The following PKD1 variants were observed in gnomAD, a reference collection of about 807,000 sequenced individuals.
PKD1 encodes polycystin 1, transient receptor potential channel interacting, also known as polycystin-1.
Under a neutral mutation model 361.7 loss-of-function variants are expected in PKD1, and 81 were observed. The ratio of observed to expected loss-of-function variants is 0.22; its 90% CI spans 0.19 to 0.27. PKD1 has a LOEUF of 0.27. PKD1 is among the 10% of genes least tolerant of loss of function. PKD1 has a pLI of 1.00. For synonymous variants in PKD1, 3,615 were observed against 2,818.3 expected, an observed-to-expected ratio of 1.28 and a Z score of -8.95; for missense variants, 6,399 against 6,118.3, an observed-to-expected ratio of 1.05 and a Z score of -1.53.
Position 2,115,580 on chromosome 16 carries a change from T to C in PKD1, c.1895A>G (p.Asn632Ser). Residue 632 changes from asparagine (N) to serine (S), a missense_variant, in exon 10 of 46, where the codon AAC (asparagine) becomes AGC (serine). Asn to Ser is a conservative substitution (Grantham distance 46). Coordinates refer to ENST00000262304, the MANE Select transcript of PKD1 (RefSeq NM_001009944.3). The part of the protein sequence containing the change: ...GSEPESRSPD[N>S]RTQLAPACMP... The stretch of plus-strand genomic sequence containing the variant: ...GCACGCGGGGGCCAGCTGGGTCCTG[T>C]TGTCCGGGGACCTGCTCTCAGGCTC... The C allele has an allele frequency of 1.0e-5, 16 of 1,594,444 alleles. No homozygotes were observed. Among genetic ancestry groups the C allele is most frequent in the Non-Finnish European group, 1.4e-5 (16 of 1,169,824 alleles).
intron 30 of PKD1, among the ~76,000 whole-genome samples, chr16:2,098,593 T>C (rs903279367): frequency 7.6e-5 from 11 of 145,510 alleles, no homozygotes; most frequent in Non-Finnish European, 1.6e-4. Flanking sequence ...CAACCCCTCC[T>C]GGTCGCGGCT....
rs762330499 is a variant in PKD1 at position 2,110,129 on chromosome 16, C to T, written c.5038G>A (p.Gly1680Ser). 1.2e-5 allele frequency: 19 copies of T among 1,609,096 alleles called. No homozygotes were observed. The highest frequency in any genetic ancestry group is 2.2e-4 in the Middle Eastern group (1 of 4,568). Residue 1680 changes from glycine to serine, a missense_variant, in exon 15 of 46, where the codon GGC becomes AGC. Gly to Ser is a moderately conservative substitution (Grantham distance 56). Transcript: ENST00000262304. Reference protein sequence around the residue: ...RDRGPALAGSGKGFSLTVLEA... With the variant: ...RDRGPALAGSSKGFSLTVLEA... ...AGCACGGTGAGCGAGAAGCCTTTGC[C>T]GCTGCCGGCCAGGGCCGGGCCCCTG...
Position 2,088,783 on chromosome 16 carries a change from G to C in PKD1, c.*944C>G. On this transcript the variant is annotated 3_prime_UTR_variant, in exon 46 of 46. Coordinates refer to ENST00000262304, the MANE Select transcript of PKD1 (RefSeq NM_001009944.3). The stretch of plus-strand genomic sequence containing the variant: ...GGGGGGGTGTCGAGGCTCTAGAAGC[G>C]GCCATGCCCACAGAAGTGGTACACA... 1.1e-6 allele frequency: 1 copy of C among 889,388 alleles called. No homozygotes were observed. The highest frequency in any genetic ancestry group is 1.7e-6 in the Non-Finnish European group (1 of 597,092). 55.1% of individuals were successfully genotyped at this position (889,388 alleles called of 1,614,324 possible). A position where few individuals can be genotyped will look rare whatever the true frequency, so the allele number is the denominator to read the frequency against.
rs1331189402 is a variant in PKD1 at position 2,115,478 on chromosome 16, G to C, written c.1997C>G (p.Ala666Gly). 1.9e-6 allele frequency: 3 copies of C among 1,601,988 alleles called. No individual in the cohort carries two copies. The highest frequency in any genetic ancestry group is 4.5e-5 in the East Asian group (2 of 44,402). ...LDASCHPQACANGCTSGPGLP... is the reference protein window; with the variant it reads ...LDASCHPQACGNGCTSGPGLP... ...CCCTGGCCCTGACGTGCAGCCATTG[G>C]CGCAGGCCTGGGGGTGGCAGGAGGC... Residue 666 changes from alanine (A) to glycine (G), a missense_variant, in exon 10 of 46, where the codon GCC becomes GGC. By Grantham distance (60) the Ala-to-Gly change is moderately conservative (BLOSUM62 0). Transcript: ENST00000262304.
Position 2,100,097 on chromosome 16 carries a change from C to A in PKD1, c.9713-26G>T. The A allele has an allele frequency of 6.2e-7, 1 of 1,604,064 alleles. No individual in the cohort carries two copies. The highest frequency in any genetic ancestry group is 8.5e-7 in the Non-Finnish European group (1 of 1,175,928). ...CTAGAAGGCAGGGAGGGCCGCACTG[C>A]AGGAGGCCACGGGGCAGGACCACCC... On this transcript the variant is annotated intron_variant, in intron 28 of 45. Coordinates refer to ENST00000262304, the MANE Select transcript of PKD1 (RefSeq NM_001009944.3). This position sits in a 1 kb window ranked among gnomAD's most constrained non-coding sequence, Gnocchi z 4.4.
At chr16:2,107,556 G>T in intron 16 of PKD1, 1 of 453,158 alleles carries the variant, frequency 2.2e-6, no homozygotes, top group South Asian at 2.1e-5. Context: ...GGTGAGAACC[G>T]GCCCACCACA....
chr16:2,130,520 G>A (rs1204656721), intron 1 of PKD1, among the ~76,000 whole-genome samples: 1 of 152,240 alleles, frequency 6.6e-6, no homozygotes, highest in East Asian at 1.9e-4. Context: ...GAGCCCTCGA[G>A]GGTGGCCCTC....
intron 39 of PKD1, 107 bp from the exon 40 acceptor site, chr16:2,092,295 G>C: frequency 7.9e-7 from 1 of 1,260,420 alleles, no homozygotes. Flanking sequence ...CCACCCCAGG[G>C]AACCCTCCCA....
rs1337271362 is a variant in PKD1 at position 2,109,579 on chromosome 16, G to C, written c.5588C>G (p.Ser1863Cys). 1 of 1,611,826 alleles carries C rather than the reference G, an allele frequency of 6.2e-7. No homozygotes were observed. Among genetic ancestry groups the C allele is most frequent in the Non-Finnish European group, 8.5e-7 (1 of 1,179,606 alleles). The change falls in exon 15 of 46, where the codon TCC (serine) becomes TGC (cysteine). Residue 1863 changes from serine (S) to cysteine (C), a missense_variant. By Grantham distance (112) the Ser-to-Cys change is moderately radical. Coordinates refer to ENST00000262304, the MANE Select transcript of PKD1 (RefSeq NM_001009944.3). Reference protein sequence around the residue: ...TMVFPDAGTFSIRLNASNAVS... With the variant: ...TMVFPDAGTFCIRLNASNAVS... Reference sequence around the variant, plus strand: ...TGCGTTGGAGGCATTGAGCCGGATGGAGAAGGTGCCAGCATCCGGGAAGAC... The same window carrying C: ...TGCGTTGGAGGCATTGAGCCGGATGCAGAAGGTGCCAGCATCCGGGAAGAC...
intron 1 of PKD1, among the ~76,000 whole-genome samples, chr16:2,124,010 T>C (rs2092761694): frequency 1.3e-5 from 2 of 152,176 alleles, no homozygotes; most frequent in Non-Finnish European, 2.9e-5. Context: ...CATCCTAGCG[T>C]GGGACCCAGC....
intron 1 of PKD1, chr16:2,119,932 G>T (rs935642401): frequency 1.5e-6 from 1 of 683,742 alleles, no homozygotes; most frequent in East Asian, 2.7e-5. Context: ...CCTCCAAGAC[G>T]GCCAGGCACT....
In PKD1 at chr16:2,103,458, C is replaced by A. The variant is rs1341837165; in HGVS notation, c.8599G>T (p.Ala2867Ser). 10 of 1,599,906 alleles carry A rather than the reference C, an allele frequency of 6.3e-6. No individual in the cohort carries two copies. Among genetic ancestry groups the A allele is most frequent in the Admixed American group, 5.0e-5 (3 of 60,006 alleles). ...TTCACGGTGATGGCGCGCTCTGAGG[C>A]CAGCCGCTCGATGGGGATCTGGGCG... ...AGAQIPIERL[A>S]SERAITVKVP... is the part of the protein sequence containing the mutation. The change falls in exon 23 of 46, where the codon GCC becomes TCC. Residue 2867 changes from alanine to serine, a missense_variant. Transcript: ENST00000262304.
rs762060197 is a variant in PKD1 at position 2,116,034 on chromosome 16, C to T, written c.1807G>A (p.Ala603Thr). Residue 603 changes from alanine (A) to threonine (T), a missense_variant, in exon 9 of 46, where the codon GCC becomes ACC. Coordinates refer to ENST00000262304, the MANE Select transcript of PKD1 (RefSeq NM_001009944.3). ...CGGTACACCTGCAGCCGCAGCTGGG[C>T]GGGCCGCCGGAGCTCCTGGGTCCCA... ...EFGTQELRRP[A>T]QLRLQVYRLL... 15 of 1,439,478 alleles carry T rather than the reference C, an allele frequency of 1.0e-5. No individual in the cohort carries two copies. In the Admixed American group the frequency reaches 1.1e-4, roughly 10 times the overall value. The allele number at this position is 1,439,478 out of a possible 1,614,324, so 89.2% of individuals were successfully genotyped here.
rs574142158 is a variant in PKD1 at position 2,108,790 on chromosome 16, G to A, written c.6377C>T (p.Ala2126Val). ...RPGDYRVQVNASNLVSFFVAQ... is the reference protein window; with the variant it reads ...RPGDYRVQVNVSNLVSFFVAQ... ...CACGAAGAAGCTCACCAGGTTGGAGGCGTTCACCTGCACGCGGTAGTCCCC... is the reference window on the plus strand; with the variant it reads ...CACGAAGAAGCTCACCAGGTTGGAGACGTTCACCTGCACGCGGTAGTCCCC... The change falls in exon 15 of 46, where the codon GCC becomes GTC. Residue 2126 changes from alanine to valine, a missense_variant. By Grantham distance (64) the Ala-to-Val change is moderately conservative (BLOSUM62 0). Coordinates refer to ENST00000262304, the MANE Select transcript of PKD1 (RefSeq NM_001009944.3). The A allele has an allele frequency of 8.9e-6, 14 of 1,569,614 alleles. No individual in the cohort carries two copies. Among genetic ancestry groups the A allele is most frequent in the South Asian group, 8.1e-5 (7 of 86,052 alleles).
Position 2,092,188 on chromosome 16 carries a change from G to C in PKD1, c.11270C>G (p.Ala3757Gly). 1 of 1,598,692 alleles carries C rather than the reference G, an allele frequency of 6.3e-7. No individual in the cohort carries two copies. The highest frequency in any genetic ancestry group is 8.5e-7 in the Non-Finnish European group (1 of 1,174,078). Reference sequence around the variant, plus strand: ...GGGGCCGGGAGGGTCTGGGTAGAGTGCTGAAACACACAGAGCCCCAGGCCG... The same window carrying C: ...GGGGCCGGGAGGGTCTGGGTAGAGTCCTGAAACACACAGAGCCCCAGGCCG... ...PRLRQVRLQE[A>G]LYPDPPGPRV... is the part of the protein sequence containing the mutation. The change falls in exon 40 of 46, where the codon GCA becomes GGA. Residue 3757 changes from alanine (A) to glycine (G), a missense_variant and splice_region_variant. Transcript: ENST00000262304.
rs781094504 is a variant in PKD1 at position 2,092,169 on chromosome 16, G to A, written c.11289C>T (p.Pro3763=). 2 of 1,607,076 alleles carry A rather than the reference G, an allele frequency of 1.2e-6. No homozygotes were observed. The highest frequency in any genetic ancestry group is 1.1e-5 in the South Asian group (1 of 90,434). ...RLQEALYPDP[P]GPRVHTCSAA... ...CCGAGCACGTGTGGACCCTGGGGCC[G>A]GGAGGGTCTGGGTAGAGTGCTGAAA... is the stretch of plus-strand genomic sequence containing the variant. The change falls in exon 40 of 46, where the codon CCC becomes CCT. Residue 3763 remains proline, a synonymous_variant. Coordinates refer to ENST00000262304, the MANE Select transcript of PKD1 (RefSeq NM_001009944.3).
chr16:2,112,062 G>A (rs575032830), intron 14 of PKD1, among the ~76,000 whole-genome samples, 191 bp from the exon 15 acceptor site: 24 of 152,334 alleles, frequency 1.6e-4, no homozygotes, highest in Admixed American at 9.1e-4. Context: ...GCCTGGCGAG[G>A]ACGGCACCGC....
In PKD1 at chr16:2,110,253, C is replaced by G; in HGVS notation, c.4914G>C (p.Val1638=). 6.2e-7 allele frequency: 1 copy of G among 1,612,390 alleles called. No individual in the cohort carries two copies. Among genetic ancestry groups the G allele is most frequent in the Non-Finnish European group, 8.5e-7 (1 of 1,179,758 alleles). ...VLQLIEGLQV[V]GGGRYFPTNH... ...TGGTGGGGAAGTAGCGGCCACCGCC[C>G]ACCACCTGCAGCCCCTCTATGAGCT... Residue 1638 remains valine, a synonymous_variant, in exon 15 of 46, where the codon GTG becomes GTC. Coordinates refer to ENST00000262304, the MANE Select transcript of PKD1 (RefSeq NM_001009944.3).
At chr16:2,119,245 G>A in intron 2 of PKD1, 60 bp from the exon 3 acceptor site, 1 of 1,361,440 alleles carries the variant, frequency 7.3e-7, no homozygotes. Flanking sequence ...AGCAGCAAGA[G>A]GCGGTGCCGC....
Sources: allele counts gnomAD v4.1 joint callset (sites outside exome capture counted in the v4.1 genomes callset), GRCh38; gene constraint gnomAD v4.1.1; non-coding constraint Gnocchi (gnomAD v3.1); transcripts MANE v1.5; gene names NCBI Gene and HGNC (gene_info 2026-07-23, HGNC 2026-07-21).